DOCK3: variants seen among roughly 807,000 people sequenced by gnomAD.
DOCK3 encodes the protein dedicator of cytokinesis protein 3.
A neutral mutation model predicts 265.6 loss-of-function variants in DOCK3; 60 were observed. The observed-to-expected ratio is 0.23, with a 90% CI of 0.18 to 0.28. The LOEUF (loss-of-function observed/expected upper bound fraction) is 0.28. DOCK3 is among the 10% of genes least tolerant of loss of function. DOCK3 has a pLI of 1.00. For missense variants in DOCK3, 1,981 were observed against 2,594.3 expected (o/e 0.76, Z 5.14); for synonymous variants, 881 against 938.0 (o/e 0.94, Z 1.11).
chr3:51,132,698 T>C (rs1162499774), intron 9 of DOCK3, among the ~76,000 whole-genome samples: 1 of 152,228 alleles, frequency 6.6e-6, no homozygotes, highest in Non-Finnish European at 1.5e-5. Flanking sequence ...TGCAAGTGGC[T>C]GTTCCGCAAT....
chr3:50,956,727 A>G (rs1426411402), intron 5 of DOCK3, among the ~76,000 whole-genome samples: 3 of 152,200 alleles, frequency 2.0e-5, no homozygotes, highest in African/African-American at 7.2e-5. Flanking sequence ...ACTAGAATCT[A>G]AGTGCCTTGC....
At chr3:50,757,639 T>A (rs1350104050) in intron 1 of DOCK3, among the ~76,000 whole-genome samples, 3 of 152,154 alleles carry the variant, frequency 2.0e-5, no homozygotes, top group Non-Finnish European at 4.4e-5. Context: ...GAAATTTAAT[T>A]TTCTTTTTTA....
At chr3:50,923,826 A>G (rs1433513544) in intron 4 of DOCK3, among the ~76,000 whole-genome samples, 1 of 152,176 alleles carries the variant, frequency 6.6e-6, no homozygotes, top group African/African-American at 2.4e-5. Context: ...TACTGTGCAG[A>G]GGGATGCTGT....
At chr3:50,679,043 G>C (rs147008775) in intron 1 of DOCK3, among the ~76,000 whole-genome samples, 7 of 152,342 alleles carry the variant, frequency 4.6e-5, no homozygotes, top group Non-Finnish European at 8.8e-5. Flanking sequence ...TCAATCTCCT[G>C]ACCTTGTGAT....
intron 5 of DOCK3, among the ~76,000 whole-genome samples, chr3:51,033,288 CATA>C (rs988155998): frequency 8.5e-5 from 13 of 152,198 alleles, no homozygotes; most frequent in Non-Finnish European, 1.5e-5. Context: ...AAAACAATCT[CATA>C]ATAAGCAGAT....
chr3:51,073,311 A>G (rs1419653819), intron 6 of DOCK3, among the ~76,000 whole-genome samples: 1 of 27,776 alleles, frequency 3.6e-5, no homozygotes, highest in Non-Finnish European at 6.2e-5. Flanking sequence ...TATCTGCAAA[A>G]TTATCTTTAT....
At chr3:51,364,728 T>C (rs2087005568) in intron 49 of DOCK3, among the ~76,000 whole-genome samples, 1 of 152,220 alleles carries the variant, frequency 6.6e-6, no homozygotes, top group Admixed American at 6.5e-5. Context: ...CAGCACCATT[T>C]ATTAAATAGA....
At chr3:51,202,819 C>G (rs1360862964) in intron 12 of DOCK3, among the ~76,000 whole-genome samples, 2 of 151,192 alleles carry the variant, frequency 1.3e-5, no homozygotes, top group Non-Finnish European at 2.9e-5. Context: ...GCTTATCCAC[C>G]ATGATCAAGT....
At chr3:51,257,719 C>T (rs2079626343) in intron 22 of DOCK3, among the ~76,000 whole-genome samples, 1 of 152,118 alleles carries the variant, frequency 6.6e-6, no homozygotes, top group Non-Finnish European at 1.5e-5. Context: ...TTAACTTAAA[C>T]AAAAATGGAC....
chr3:50,888,737 C>G (rs981688056), intron 3 of DOCK3, among the ~76,000 whole-genome samples: 27 of 152,134 alleles, frequency 1.8e-4, no homozygotes, highest in African/African-American at 5.1e-4. Context: ...CTTTGACAAA[C>G]CTGAGAAAAA....
intron 27 of DOCK3, among the ~76,000 whole-genome samples, chr3:51,295,829 C>G (rs1030545558): frequency 8.5e-5 from 13 of 152,092 alleles, no homozygotes; most frequent in Non-Finnish European, 1.8e-4. Context: ...GTGAAACTAT[C>G]TCTATTCACA....
intron 5 of DOCK3, among the ~76,000 whole-genome samples, chr3:50,987,598 A>G (rs1460970024): frequency 1.3e-5 from 2 of 152,162 alleles, no homozygotes; most frequent in Non-Finnish European, 2.9e-5. Flanking sequence ...GCTCTCACAG[A>G]AAGGAATGGA....
intron 27 of DOCK3, among the ~76,000 whole-genome samples, chr3:51,282,609 C>T (rs530565392): frequency 4.0e-5 from 6 of 148,654 alleles, no homozygotes; most frequent in African/African-American, 9.9e-5. Flanking sequence ...GCCAAGATTG[C>T]GCCATTGCAC....
chr3:51,252,461 C>G (rs1357027905), intron 22 of DOCK3, among the ~76,000 whole-genome samples: 1 of 152,164 alleles, frequency 6.6e-6, no homozygotes, highest in Non-Finnish European at 1.5e-5. Flanking sequence ...GCAGTATGGC[C>G]ATTTTCACAG....
intron 22 of DOCK3, among the ~76,000 whole-genome samples, chr3:51,249,484 C>T (rs1371413650): frequency 9.1e-6 from 1 of 109,302 alleles, no homozygotes; most frequent in African/African-American, 3.6e-5. Context: ...AGCCAGCCGC[C>T]CCATCCGGGA....
intron 27 of DOCK3, among the ~76,000 whole-genome samples, chr3:51,288,118 T>A (rs1255142802): frequency 3.3e-5 from 5 of 152,104 alleles, no homozygotes; most frequent in East Asian, 3.9e-4. Flanking sequence ...ACAGGCAGGC[T>A]CAGTGGCTCA....
intron 47 of DOCK3, 105 bp downstream of exon 47, chr3:51,360,737 T>C: frequency 1.4e-6 from 2 of 1,468,568 alleles, no homozygotes; most frequent in Non-Finnish European, 1.8e-6. Context: ...CTCTTACCCA[T>C]GCACACAGCA....
At position 51,063,818 on chromosome 3, in the gene DOCK3, C is replaced by T. The variant is rs554448521; in HGVS notation, c.316-630C>T. 5.9e-5 allele frequency among the ~76,000 whole-genome samples: 9 copies of T among 152,114 alleles called. No homozygotes were observed. In the East Asian group the frequency reaches 1.5e-3, roughly 26 times the overall value. On this transcript the variant is annotated intron_variant, in intron 5 of 52. Transcript: ENST00000266037. The stretch of plus-strand genomic sequence containing the variant: ...ATAATTAAGTTTGTTAAGATGTTTC[C>T]GTTTAACTCTTACAAAGGTGACAAT...
At chr3:51,182,241 C>T (rs1449701763) in intron 12 of DOCK3, among the ~76,000 whole-genome samples, 3 of 152,166 alleles carry the variant, frequency 2.0e-5, no homozygotes, top group Non-Finnish European at 1.5e-5. Flanking sequence ...GTCTCTCTAT[C>T]CCTCAGTTTT....
Sources: allele counts gnomAD v4.1 joint callset (sites outside exome capture counted in the v4.1 genomes callset), GRCh38; gene constraint gnomAD v4.1.1; transcripts MANE v1.5; gene names NCBI Gene and HGNC (gene_info 2026-07-23, HGNC 2026-07-21).